The following SDK1 variants were observed in gnomAD, a reference collection of about 807,000 sequenced individuals.
SDK1 encodes the protein protein sidekick-1.
SDK1 carries 157 observed loss-of-function variants against 245.5 expected under a neutral mutation model. The observed-to-expected ratio is 0.64, with a 90% CI of 0.56 to 0.73. SDK1 has a LOEUF of 0.73. Ranked by LOEUF, SDK1 falls within the 30% of genes least tolerant of loss-of-function variation. The pLI, the probability that SDK1 is intolerant of heterozygous loss-of-function variation, is 0.00. For synonymous variants in SDK1, 1,647 were observed against 1,278.5 expected, an observed-to-expected ratio of 1.29 and a Z score of -6.15; for missense variants, 3,583 against 3,002.3, an observed-to-expected ratio of 1.19 and a Z score of -4.52.
chr7:3,560,043 G>A (rs994790715), intron 1 of SDK1, among the ~76,000 whole-genome samples: 2 of 152,236 alleles, frequency 1.3e-5, no homozygotes, highest in Admixed American at 6.5e-5. Context: ...AAAGCAACCT[G>A]TCATGAGCAC....
chr7:3,502,275 G>A (rs1198220995), intron 1 of SDK1, among the ~76,000 whole-genome samples: 2 of 151,750 alleles, frequency 1.3e-5, no homozygotes, highest in South Asian at 2.1e-4. Context: ...CTTGCTTAAA[G>A]TCTTGCTCTT....
chr7:3,334,063 CCATA>C (rs2128552033), intron 1 of SDK1, among the ~76,000 whole-genome samples: 1 of 152,314 alleles, frequency 6.6e-6, no homozygotes, highest in South Asian at 2.1e-4. Flanking sequence ...CCCAGTTGGA[CCATA>C]CCATTTGTGT....
At chr7:4,097,528 T>A (rs1053808291) in intron 22 of SDK1, among the ~76,000 whole-genome samples, 1 of 152,178 alleles carries the variant, frequency 6.6e-6, no homozygotes, top group African/African-American at 2.4e-5. Context: ...CAGACAGATA[T>A]ATTGGGCCGC....
chr7:3,648,492 T>C (rs953685806), intron 4 of SDK1, among the ~76,000 whole-genome samples: 21 of 152,248 alleles, frequency 1.4e-4, no homozygotes, highest in Non-Finnish European at 3.1e-4. Context: ...TTGTGAAGTA[T>C]GGGCAGTAAA....
chr7:3,388,810 G>A (rs74461712), intron 1 of SDK1, among the ~76,000 whole-genome samples: 6,981 of 152,092 alleles, frequency 0.046, 439 homozygotes, highest in African/African-American at 0.14. Context: ...TGTGTTTATC[G>A]AGTACCTACT....
At chr7:3,634,508 G>C (rs901723325) in intron 2 of SDK1, among the ~76,000 whole-genome samples, 2 of 152,206 alleles carry the variant, frequency 1.3e-5, no homozygotes, top group African/African-American at 4.8e-5. Flanking sequence ...TGCCTTGATA[G>C]AGTGAATGCA....
At chr7:3,938,982 AT>A (rs1780260973) in intron 5 of SDK1, among the ~76,000 whole-genome samples, 1 of 152,220 alleles carries the variant, frequency 6.6e-6, no homozygotes, top group South Asian at 2.1e-4. Flanking sequence ...TCAAACTGTC[AT>A]TTTATTTATC....
intron 1 of SDK1, among the ~76,000 whole-genome samples, chr7:3,560,655 G>C (rs1041668121): frequency 6.6e-6 from 1 of 152,132 alleles, no homozygotes; most frequent in Non-Finnish European, 1.5e-5. Context: ...AAAAACATCA[G>C]AGCAGGTGGC....
At position 3,971,479 on chromosome 7, in the gene SDK1, C is replaced by G; in HGVS notation, c.1728C>G (p.Ile576Met). The G allele has an allele frequency of 6.2e-7, 1 of 1,612,024 alleles. No individual in the cohort carries two copies. The highest frequency in any genetic ancestry group is 8.5e-7 in the Non-Finnish European group (1 of 1,178,464). ...ATLTVWNRTS[I>M]VHPPEDHVVI... ...TGTTTTTTTCAGATCGGACGTCCATCGTCCACCCTCCTGAGGACCACGTGG... is the reference window on the plus strand; with the variant it reads ...TGTTTTTTTCAGATCGGACGTCCATGGTCCACCCTCCTGAGGACCACGTGG... The change falls in exon 12 of 45, where the codon ATC becomes ATG. Residue 576 changes from isoleucine to methionine, a missense_variant. Ile to Met is a conservative substitution (Grantham distance 10). Transcript: ENST00000404826.
At chr7:3,856,052 A>G (rs1780537641) in intron 5 of SDK1, among the ~76,000 whole-genome samples, 1 of 152,242 alleles carries the variant, frequency 6.6e-6, no homozygotes, top group Non-Finnish European at 1.5e-5. Context: ...CAGAACTAAC[A>G]TTCCAAGAGT....
At chr7:4,180,947 G>A (rs1782570277) in intron 35 of SDK1, among the ~76,000 whole-genome samples, 1 of 152,114 alleles carries the variant, frequency 6.6e-6, no homozygotes, top group South Asian at 2.1e-4. Context: ...GGCCATATAA[G>A]TCTGTCATCG....
chr7:3,544,087 C>T (rs926506846), intron 1 of SDK1, among the ~76,000 whole-genome samples: 3 of 152,250 alleles, frequency 2.0e-5, no homozygotes, highest in East Asian at 1.9e-4. Flanking sequence ...TGACTAAAGG[C>T]CTTTCTCCTT....
intron 4 of SDK1, among the ~76,000 whole-genome samples, chr7:3,806,157 C>A (rs1779237774): frequency 6.6e-6 from 1 of 152,256 alleles, no homozygotes; most frequent in African/African-American, 2.4e-5. Context: ...TGACTTCTCT[C>A]TCACTGCTGG....
intron 4 of SDK1, among the ~76,000 whole-genome samples, chr7:3,774,112 G>A (rs551642374): frequency 1.3e-5 from 2 of 152,072 alleles, no homozygotes; most frequent in South Asian, 2.1e-4. Flanking sequence ...TTACTTGGGA[G>A]GCTGAGGCAG....
intron 2 of SDK1, among the ~76,000 whole-genome samples, chr7:3,628,701 G>C (rs532846712): frequency 1.3e-5 from 2 of 152,318 alleles, no homozygotes; most frequent in East Asian, 3.9e-4. Context: ...TCAAGATAAA[G>C]TAACTGGGAT....
chr7:3,466,763 TC>T (rs934796555), intron 1 of SDK1, among the ~76,000 whole-genome samples: 4 of 151,640 alleles, frequency 2.6e-5, no homozygotes, highest in African/African-American at 7.3e-5. Context: ...GCAAAGTATC[TC>T]CCCCCACCCC....
intron 1 of SDK1, among the ~76,000 whole-genome samples, chr7:3,370,508 C>T (rs2128563216): frequency 6.6e-6 from 1 of 152,298 alleles, no homozygotes; most frequent in South Asian, 2.1e-4. Context: ...GATGTAATCA[C>T]TTAAAAAGGA....
intron 1 of SDK1, among the ~76,000 whole-genome samples, chr7:3,411,689 T>C (rs969151874): frequency 1.3e-4 from 20 of 152,262 alleles, no homozygotes; most frequent in African/African-American, 4.6e-4. Context: ...TGCAGCAATT[T>C]CTCTTATTCA....
At chr7:4,230,789 G>C (rs1222669250) in intron 40 of SDK1, among the ~76,000 whole-genome samples, 2 of 152,120 alleles carry the variant, frequency 1.3e-5, no homozygotes, top group East Asian at 3.9e-4. Context: ...GCCCATTGGT[G>C]GAAGCAGTCA....
Sources: gnomAD v4.1 joint callset for allele counts (sites outside exome capture counted in the v4.1 genomes callset) on GRCh38, gnomAD v4.1.1 for gene constraint, MANE v1.5 for transcripts, NCBI Gene and HGNC (gene_info 2026-07-23, HGNC 2026-07-21) for gene names.